The following NT5C2 variants were observed in gnomAD, a reference collection of about 807,000 sequenced individuals.
The protein encoded by NT5C2 is cytosolic purine 5'-nucleotidase.
NT5C2 carries 58 observed loss-of-function variants against 76.1 expected under a neutral mutation model. The ratio of observed to expected loss-of-function variants is 0.76; its 90% confidence interval spans 0.62 to 0.95. NT5C2 has a LOEUF of 0.95. Ranked by LOEUF, NT5C2 falls within the 40% of genes least tolerant of loss-of-function variation. The probability of loss-of-function intolerance (pLI) is 0.00; values close to 1 mark genes in which losing one functional copy is unlikely to be tolerated. For synonymous variants in NT5C2, 229 were observed against 237.4 expected (o/e 0.96, Z 0.32); for missense variants, 478 against 690.3 (o/e 0.69, Z 3.45).
chr10:103,089,568 A>G lies in NT5C2; in HGVS notation c.*104T>C. 18 of 1,426,592 alleles carry G rather than the reference A, an allele frequency of 1.3e-5. No homozygotes were observed. Among genetic ancestry groups the G allele is most frequent in the Non-Finnish European group, 1.7e-5 (18 of 1,088,296 alleles). 88.4% of individuals were successfully genotyped at this position (1,426,592 alleles called of 1,614,324 possible). On this transcript the variant is annotated 3_prime_UTR_variant, in exon 19 of 19. Coordinates refer to ENST00000404739, the MANE Select transcript of NT5C2 (RefSeq NM_001351169.2). ...AACTTTTCAGACGTACCTTTCATGG[A>G]GCCCCCTCCCTCCCCCGAGTAGAAC...
intron 3 of NT5C2, among the ~76,000 whole-genome samples, chr10:103,150,625 C>A (rs1158481810): frequency 6.6e-6 from 1 of 152,160 alleles, no homozygotes; most frequent in Non-Finnish European, 1.5e-5. Flanking sequence ...CTCTTATCAG[C>A]AATGCATGAG....
chr10:103,089,981 T>C, intron 18 of NT5C2, 73 bp from the exon 19 acceptor site: 2 of 1,252,992 alleles, frequency 1.6e-6, no homozygotes, highest in Non-Finnish European at 2.2e-6. Flanking sequence ...CTAACCCCTC[T>C]CCTCTGTTAG....
intron 4 of NT5C2, among the ~76,000 whole-genome samples, chr10:103,118,413 G>C (rs1310381196): frequency 6.7e-6 from 1 of 148,234 alleles, no homozygotes; most frequent in East Asian, 2.0e-4. Flanking sequence ...CTGAAGTGCA[G>C]TGGCACAATC....
In NT5C2 at chr10:103,089,602, G is replaced by C; in HGVS notation, c.*70C>G. The C allele has an allele frequency of 5.4e-6, 8 of 1,481,322 alleles. No individual in the cohort carries two copies. The highest frequency in any genetic ancestry group is 7.2e-6 in the Non-Finnish European group (8 of 1,115,234). The allele number at this position is 1,481,322 out of a possible 1,614,324, so 91.8% of individuals were successfully genotyped here. On this transcript the variant is annotated 3_prime_UTR_variant, in exon 19 of 19. Coordinates refer to ENST00000404739, the MANE Select transcript of NT5C2 (RefSeq NM_001351169.2). ...CCTCCCCCGAGTAGAACCCTAACAG[G>C]GACCTCGTTTGTTCCTGTGAGTCCT...
chr10:103,177,114 CTCAG>C (rs1396471995), intron 2 of NT5C2, among the ~76,000 whole-genome samples: 1 of 152,020 alleles, frequency 6.6e-6, no homozygotes, highest in Non-Finnish European at 1.5e-5. Context: ...ACATACTAAG[CTCAG>C]TCAATGGTGG....
At chr10:103,113,447 G>A (rs1001125411) in intron 4 of NT5C2, among the ~76,000 whole-genome samples, 27 of 151,886 alleles carry the variant, frequency 1.8e-4, no homozygotes, top group African/African-American at 1.4e-4. Flanking sequence ...TTTAAAAATC[G>A]TCTTTAACCA....
intron 4 of NT5C2, among the ~76,000 whole-genome samples, chr10:103,114,067 T>C (rs535244662): frequency 2.0e-5 from 3 of 152,190 alleles, no homozygotes; most frequent in Non-Finnish European, 4.4e-5. Flanking sequence ...ATGTTCCCAA[T>C]TGCGTGATAA....
chr10:103,143,268 G>A (rs1340239625), intron 3 of NT5C2, among the ~76,000 whole-genome samples: 2 of 152,038 alleles, frequency 1.3e-5, no homozygotes, highest in East Asian at 3.9e-4. Context: ...AAAAAAGCCT[G>A]GGCTGGGCTC....
At chr10:103,098,665 T>C (rs184641538) in intron 10 of NT5C2, 25 of 390,546 alleles carry the variant, frequency 6.4e-5, no homozygotes, top group Non-Finnish European at 9.2e-5. Context: ...TAATTGAAGC[T>C]AAGCGAACAA....
At chr10:103,158,966 A>G (rs1037676318) in intron 3 of NT5C2, among the ~76,000 whole-genome samples, 2 of 152,226 alleles carry the variant, frequency 1.3e-5, no homozygotes, top group African/African-American at 4.8e-5. Context: ...CTTGTACACT[A>G]AAGACTACAA....
In NT5C2 at chr10:103,139,465, C is replaced by A. The variant is rs1393472957; in HGVS notation, c.116G>T (p.Arg39Leu). 1 of 1,575,494 alleles carries A rather than the reference C, an allele frequency of 6.3e-7. No homozygotes were observed. Among genetic ancestry groups the A allele is most frequent in the Admixed American group, 1.8e-5 (1 of 57,080 alleles). ...CTTTATCTTTTCCATTGCTAAACTT[C>A]GGTTCACAAACACCCTATAGAAAAT... is the stretch of plus-strand genomic sequence containing the variant. Reference protein sequence around the residue: ...REAYHRVFVNRSLAMEKIKCF... With the variant: ...REAYHRVFVNLSLAMEKIKCF... The change falls in exon 4 of 19, where the codon CGA (arginine) becomes CTA (leucine). Residue 39 changes from arginine (R) to leucine (L), a missense_variant. Physicochemically the swap from Arg to Leu is moderately radical, Grantham distance 102 (BLOSUM62 -2). Transcript: ENST00000404739.
At chr10:103,173,868 G>A (rs1460294493) in intron 3 of NT5C2, among the ~76,000 whole-genome samples, 5 of 152,084 alleles carry the variant, frequency 3.3e-5, no homozygotes, top group African/African-American at 1.2e-4. Context: ...TGCCGAGGCA[G>A]GTGGATCACC....
intron 10 of NT5C2, 151 bp from the exon 11 acceptor site, chr10:103,097,525 T>C (rs2134908447): frequency 3.1e-6 from 2 of 635,746 alleles, no homozygotes; most frequent in Middle Eastern, 2.7e-4. Flanking sequence ...AAAGCCCACA[T>C]TATCACTATA....
At chr10:103,153,377 T>C (rs1290063943) in intron 3 of NT5C2, 8 of 1,215,606 alleles carry the variant, frequency 6.6e-6, no homozygotes, top group African/African-American at 1.6e-5. Flanking sequence ...TTGAGAACTG[T>C]AGCTCATTTG....
chr10:103,192,371 C>T (rs1258499990), intron 1 of NT5C2, among the ~76,000 whole-genome samples: 5 of 152,158 alleles, frequency 3.3e-5, no homozygotes, highest in African/African-American at 9.7e-5. Context: ...AAGGTGAAAG[C>T]CCAGGAAAAC....
rs531884739 is a variant in NT5C2, at chr10:103,112,710, C to G, written c.176-6004G>C. Among the ~76,000 whole-genome samples the G allele has an allele frequency of 1.6e-3, 248 of 152,282 alleles. 6 individuals are homozygous for G. The South Asian group carries it at 0.05, about 30-fold the overall frequency. On this transcript the variant is annotated intron_variant, in intron 4 of 18. Transcript: ENST00000404739. ...ATGTCTAAAAGTCCTAAAAGCATTA[C>G]AACACTACCAACAGTCACAATGAAA... is the stretch of plus-strand genomic sequence containing the variant.
At chr10:103,111,910 G>T (rs1254486584) in intron 4 of NT5C2, 1 of 681,660 alleles carries the variant, frequency 1.5e-6, no homozygotes, top group Non-Finnish European at 2.1e-6. Flanking sequence ...TTGGAAATTG[G>T]TATTTACAGG....
chr10:103,181,177 T>G lies in NT5C2; in HGVS notation c.-25+8A>C, dbSNP rs985621335. 6.6e-6 allele frequency: 1 copy of G among 152,046 alleles called. No homozygotes were observed. Among genetic ancestry groups the G allele is most frequent in the Non-Finnish European group, 1.5e-5 (1 of 68,018 alleles). 9.4% of individuals were successfully genotyped at this position (152,046 alleles called of 1,614,324 possible). ...TTTATTATATACTCTGTGCAACTTA[T>G]TGTATACCAATTATGCCACAATAAG... On this transcript the variant is annotated splice_region_variant and intron_variant, in intron 2 of 18. Coordinates refer to ENST00000404739, the MANE Select transcript of NT5C2 (RefSeq NM_001351169.2).
intron 2 of NT5C2, among the ~76,000 whole-genome samples, chr10:103,178,172 A>T (rs2135089876): frequency 6.6e-6 from 1 of 152,366 alleles, no homozygotes; most frequent in African/African-American, 2.4e-5. Context: ...CTTTTGTGGA[A>T]AAGTGAACTT....
Sources: allele counts gnomAD v4.1 joint callset (sites outside exome capture counted in the v4.1 genomes callset), GRCh38; gene constraint gnomAD v4.1.1; transcripts MANE v1.5; gene names NCBI Gene and HGNC (gene_info 2026-07-23, HGNC 2026-07-21).